The following CELA3A variants were observed in gnomAD, a reference collection of about 807,000 sequenced individuals.
CELA3A encodes the protein chymotrypsin like elastase 3A, also known as chymotrypsin-like elastase family member 3A.
Under a neutral mutation model 38.6 loss-of-function variants are expected in CELA3A, and 35 were observed. That is an observed-to-expected ratio of 0.91 (90% CI 0.69 to 1.20). CELA3A has a LOEUF of 1.20. CELA3A is among the 50% of genes most tolerant of loss of function. The pLI is 0.00. For synonymous variants in CELA3A, 143 were observed against 136.7 expected (o/e 1.05, Z -0.32); for missense variants, 343 against 354.2 (o/e 0.97, Z 0.25).
intron 2 of CELA3A, among the ~76,000 whole-genome samples, 197 bp from the exon 3 acceptor site, chr1:22,005,250 C>A (rs1253810968): frequency 6.6e-6 from 1 of 151,726 alleles, no homozygotes; most frequent in African/African-American, 2.4e-5. Context: ...GAATGTGACC[C>A]CCATGGAAAA....
At chr1:22,009,127 A>G (rs961567970) in intron 6 of CELA3A, among the ~76,000 whole-genome samples, 4 of 151,294 alleles carry the variant, frequency 2.6e-5, no homozygotes, top group Admixed American at 6.6e-5. Flanking sequence ...GCACTTCGGG[A>G]GGCTGAGGCG....
At position 22,007,467 on chromosome 1, in the gene CELA3A, G is replaced by A. The variant is rs1378214185; in HGVS notation, c.594G>A (p.Val198=). 3 of 1,612,648 alleles carry A rather than the reference G, an allele frequency of 1.9e-6. No homozygotes were observed. The South Asian group carries it at 3.3e-5, about 18-fold the overall frequency. The change falls in exon 6 of 8, where the codon GTG becomes GTA. Residue 198 remains valine, a synonymous_variant. Transcript: ENST00000290122. ...GGTGGAACTGGTGGGGTTCCACCGTGAAGAAAACCATGGTGTGTGCTGGAG... is the reference window on the plus strand; with the variant it reads ...GGTGGAACTGGTGGGGTTCCACCGTAAAGAAAACCATGGTGTGTGCTGGAG... ...CSRWNWWGST[V]KKTMVCAGGY...
chr1:22,004,663 C>G (rs1409531648), intron 2 of CELA3A, among the ~76,000 whole-genome samples: 1 of 151,926 alleles, frequency 6.6e-6, no homozygotes, highest in African/African-American at 2.4e-5. Context: ...TGATGTGCCC[C>G]ACTGTCCACA....
Position 22,006,930 on chromosome 1 carries a change from G to C in CELA3A, c.415G>C (p.Val139Leu), listed in dbSNP as rs533686702. 1.1e-5 allele frequency: 17 copies of C among 1,612,330 alleles called. No individual in the cohort carries two copies. The highest frequency in any genetic ancestry group is 1.4e-5 in the Non-Finnish European group (17 of 1,179,422). Residue 139 changes from valine to leucine, a missense_variant, in exon 5 of 8, where the codon GTC (valine) becomes CTC (leucine). Physicochemically the swap from Val to Leu is conservative, Grantham distance 32 (BLOSUM62 1). Coordinates refer to ENST00000290122, the MANE Select transcript of CELA3A (RefSeq NM_005747.5). ...LSRSAQLGDA[V>L]QLASLPPAGD... ...ACGCAGCGCCCAGCTGGGAGATGCC[G>C]TCCAGCTCGCCTCACTCCCTCCCGC...
rs200674633 is a variant in CELA3A at position 22,006,979 on chromosome 1, C to T, written c.464C>T (p.Thr155Ile). Residue 155 changes from threonine to isoleucine, a missense_variant, in exon 5 of 8, where the codon ACA (threonine) becomes ATA (isoleucine). By Grantham distance (89) the Thr-to-Ile change is moderately conservative. Transcript: ENST00000290122. ...PPAGDILPNKTPCYITGWGRL... is the reference protein window; with the variant it reads ...PPAGDILPNKIPCYITGWGRL... ...GCTGGTGACATCCTTCCCAACAAGA[C>T]ACCCTGCTACATCACCGGCTGGGGC... 1.2e-5 allele frequency: 19 copies of T among 1,612,400 alleles called. No homozygotes were observed. Among genetic ancestry groups the T allele is most frequent in the Non-Finnish European group, 1.4e-5 (17 of 1,179,498 alleles).
At chr1:22,003,775 G>T (rs1644932220) in intron 2 of CELA3A, among the ~76,000 whole-genome samples, 1 of 150,488 alleles carries the variant, frequency 6.6e-6, no homozygotes, top group Non-Finnish European at 1.5e-5. Flanking sequence ...GCACAATCTT[G>T]GCTCACTGCA....
chr1:22,006,495 C>T (rs564467858), intron 4 of CELA3A, among the ~76,000 whole-genome samples: 1 of 151,252 alleles, frequency 6.6e-6, no homozygotes, highest in East Asian at 2.0e-4. Flanking sequence ...CCACTGCACT[C>T]CAGCCTGGGC....
In CELA3A at chr1:22,001,666, A is replaced by G. The variant is rs371787550; in HGVS notation, c.-9A>G. 118 of 1,611,626 alleles carry G rather than the reference A, an allele frequency of 7.3e-5. 2 individuals carry two copies. Among genetic ancestry groups the G allele is most frequent in the Middle Eastern group, 5.0e-4 (3 of 6,060 alleles). ...GGCTCTGTGCCCTTTTCCTATCATC[A>G]CAAAACTCATGATGCTCCGGCTGCT... On this transcript the variant is annotated 5_prime_UTR_variant, in exon 1 of 8. Transcript: ENST00000290122.
At position 22,007,353 on chromosome 1, in the gene CELA3A, G is replaced by T. The variant is rs74062236; in HGVS notation, c.500-20G>T. On this transcript the variant is annotated intron_variant, in intron 5 of 7. Coordinates refer to ENST00000290122, the MANE Select transcript of CELA3A (RefSeq NM_005747.5). ...CGGTGTGCCCCCAGACCCCTGACTC[G>T]GTGCTTTTTATCCTTGCAGCCAATG... 5,541 of 1,600,020 alleles carry T rather than the reference G, an allele frequency of 3.5e-3. 128 individuals are homozygous for T. Among genetic ancestry groups the T allele is most frequent in the Non-Finnish European group, 3.9e-3 (4,543 of 1,173,246 alleles).
rs1644935468 is a variant in CELA3A at position 22,004,197 on chromosome 1, G to T, written c.129+1109G>T. Among the ~76,000 whole-genome samples, 3 of 148,764 alleles carry T rather than the reference G, an allele frequency of 2.0e-5. 1 individual carries two copies. The South Asian group carries it at 6.3e-4, about 31-fold the overall frequency. ...AGCAATAATCCCACCTCAGCCTCCT[G>T]TGTAGCTAGGACTACAGGCATGCGC... On this transcript the variant is annotated intron_variant, in intron 2 of 7. Coordinates refer to ENST00000290122, the MANE Select transcript of CELA3A (RefSeq NM_005747.5).
At chr1:22,004,811 T>A (rs1385584689) in intron 2 of CELA3A, among the ~76,000 whole-genome samples, 1 of 150,518 alleles carries the variant, frequency 6.6e-6, no homozygotes. Flanking sequence ...TTCAAAAGAG[T>A]CAGGGGGGCT....
intron 1 of CELA3A, 37 bp downstream of exon 1, chr1:22,001,754 C>T (rs1569863114): frequency 5.0e-6 from 8 of 1,610,138 alleles, no homozygotes; most frequent in Middle Eastern, 1.7e-4. Flanking sequence ...CCCTGGGCTG[C>T]CCTGGACTAG....
intron 1 of CELA3A, chr1:22,002,584 C>T (rs928464377): frequency 8.8e-6 from 4 of 456,032 alleles, no homozygotes; most frequent in African/African-American, 6.1e-5. Flanking sequence ...CTCAAGCGAT[C>T]CTCCCGCCTC....
At chr1:22,007,283 G>A (rs1236722617) in intron 5 of CELA3A, 90 bp from the exon 6 acceptor site, 10 of 1,511,744 alleles carry the variant, frequency 6.6e-6, no homozygotes, top group African/African-American at 1.4e-5. Context: ...CATCAGGGCA[G>A]AAGAACTGTG....
Position 22,005,729 on chromosome 1 carries a change from G to T in CELA3A, c.295G>T (p.Val99Leu), listed in dbSNP as rs780389510. The T allele has an allele frequency of 3.1e-6, 5 of 1,612,394 alleles. No individual in the cohort carries two copies. The highest frequency in any genetic ancestry group is 3.3e-5 in the Admixed American group (2 of 59,932). The change falls in exon 4 of 8, where the codon GTG (valine) becomes TTG (leucine). Residue 99 changes from valine (V) to leucine (L), a missense_variant. Coordinates refer to ENST00000290122, the MANE Select transcript of CELA3A (RefSeq NM_005747.5). ...TGCTGTGAAGGAGGGCCCCGAGCAG[G>T]TGATCCCCATCAACTCTGAGGAGCT... ...NLAVKEGPEQ[V>L]IPINSEELFV...
rs150719625 is a variant in CELA3A, at chr1:22,005,512, C to A, written c.195C>A (p.Pro65=). The A allele has an allele frequency of 8.1e-6, 13 of 1,613,074 alleles. No homozygotes were observed. The highest frequency in any genetic ancestry group is 1.1e-5 in the Non-Finnish European group (13 of 1,179,628). ...YHTCGGSLIA[P]DWVVTAGHCI... is the part of the protein sequence containing the mutation. ...CGTGTGGCGGTAGCCTCATCGCCCC[C>A]GATTGGGTTGTGACTGCCGGCCACT... Residue 65 remains proline (P), a synonymous_variant, in exon 3 of 8, where the codon CCC becomes CCA. Coordinates refer to ENST00000290122, the MANE Select transcript of CELA3A (RefSeq NM_005747.5).
At chr1:22,002,771 C>T (rs1359585499) in intron 1 of CELA3A, among the ~76,000 whole-genome samples, 5 of 151,434 alleles carry the variant, frequency 3.3e-5, no homozygotes, top group African/African-American at 1.2e-4. Context: ...TTCAATCCTC[C>T]CAATGAAGGA....
chr1:22,011,588 G>T (rs1259579260), intron 7 of CELA3A, among the ~76,000 whole-genome samples: 1 of 126,654 alleles, frequency 7.9e-6, no homozygotes, highest in Non-Finnish European at 1.6e-5. Flanking sequence ...GTGAAACCCT[G>T]TCTCTACAAA....
chr1:22,002,994 C>T lies in CELA3A; in HGVS notation c.44-9C>T, dbSNP rs1300100757. On this transcript the variant is annotated splice_polypyrimidine_tract_variant and intron_variant, in intron 1 of 7. Transcript: ENST00000290122. ...TCCAGCTGATTGACAGCTCTCCTCTCCCCTCTAGCCTCAGGCTATGGCCCA... is the reference window on the plus strand; with the variant it reads ...TCCAGCTGATTGACAGCTCTCCTCTTCCCTCTAGCCTCAGGCTATGGCCCA... 2 of 1,578,968 alleles carry T rather than the reference C, an allele frequency of 1.3e-6. No individual in the cohort carries two copies. Among genetic ancestry groups the T allele is most frequent in the Non-Finnish European group, 1.7e-6 (2 of 1,166,106 alleles).
Sources: gnomAD v4.1 joint callset for allele counts (sites outside exome capture counted in the v4.1 genomes callset) on GRCh38, gnomAD v4.1.1 for gene constraint, MANE v1.5 for transcripts, NCBI Gene and HGNC (gene_info 2026-07-23, HGNC 2026-07-21) for gene names.